PDE4C: variants seen among roughly 807,000 people sequenced by gnomAD.
The protein encoded by PDE4C is phosphodiesterase 4C.
In PDE4C, 50 loss-of-function variants were observed where a neutral mutation model predicts 63.9. The ratio of observed to expected loss-of-function variants is 0.78; its 90% CI spans 0.62 to 0.99. The LOEUF is 0.99. Ranked by LOEUF, PDE4C falls within the 50% of genes least tolerant of loss-of-function variation. The pLI is 0.00. For synonymous variants in PDE4C, 377 were observed against 385.1 expected, an observed-to-expected ratio of 0.98 and a Z score of 0.25; for missense variants, 777 against 899.1, an observed-to-expected ratio of 0.86 and a Z score of 1.74.
upstream of PDE4C, among the ~76,000 whole-genome samples, chr19:18,236,657 G>T (rs1263964228): frequency 1.3e-5 from 2 of 152,188 alleles, no homozygotes; most frequent in African/African-American, 4.8e-5. Flanking sequence ...TCTCTGCCTG[G>T]TATGATCTGT....
chr19:18,220,847 G>A lies in PDE4C; in HGVS notation c.499+27C>T. 1 of 1,598,968 alleles carries A rather than the reference G, an allele frequency of 6.3e-7. No homozygotes were observed. Among genetic ancestry groups the A allele is most frequent in the Middle Eastern group, 1.7e-4 (1 of 6,028 alleles). On this transcript the variant is annotated intron_variant, in intron 5 of 14. Transcript: ENST00000262805. This position sits in a 1 kb window ranked among gnomAD's most constrained non-coding sequence, Gnocchi z 5.1. Reference sequence around the variant, plus strand: ...AAGGAAGCTCCCAGCTGTCCTCAGCGGGGGAGGGAAGGAACAGGTACTTTA... The same window carrying A: ...AAGGAAGCTCCCAGCTGTCCTCAGCAGGGGAGGGAAGGAACAGGTACTTTA...
At chr19:18,224,341 T>G (rs1600087985) in intron 1 of PDE4C, 1 of 985,336 alleles carries the variant, frequency 1.0e-6, no homozygotes, top group Non-Finnish European at 1.2e-6. Flanking sequence ...GTCCGGCTGG[T>G]CCCGGCCAAG....
chr19:18,230,524 A>G (rs1268206232), upstream of PDE4C, among the ~76,000 whole-genome samples: 1 of 152,024 alleles, frequency 6.6e-6, no homozygotes, highest in East Asian at 1.9e-4. Flanking sequence ...AAATAAATAA[A>G]TGCTTGTAGC....
At chr19:18,235,668 G>A (rs1216836231), upstream of PDE4C, among the ~76,000 whole-genome samples, 2 of 152,098 alleles carry the variant, frequency 1.3e-5, no homozygotes, top group East Asian at 1.9e-4. Flanking sequence ...ATTTTTTAAT[G>A]CCAATATTGA....
chr19:18,228,044 G>A (rs541353715), upstream of PDE4C, among the ~76,000 whole-genome samples: 70 of 152,064 alleles, frequency 4.6e-4, no homozygotes, highest in Non-Finnish European at 4.6e-4. Flanking sequence ...ACCAGACCTC[G>A]CTGTCCCCAA....
rs947434799 is a variant in PDE4C at position 18,224,316 on chromosome 19, C to T, written c.146+1954G>A. The T allele has an allele frequency of 2.5e-5, 25 of 985,480 alleles. No homozygotes were observed. In the African/African-American group the frequency reaches 4.4e-4, roughly 17 times the overall value. The allele number at this position is 985,480 out of a possible 1,614,324, so 61.0% of individuals were successfully genotyped here. A position where few individuals can be genotyped will look rare whatever the true frequency, so the allele number is the denominator to read the frequency against. On this transcript the variant is annotated intron_variant, in intron 1 of 14. Transcript: ENST00000262805. ...GGGACCGCCTGAGACTCGGAGCTCC[C>T]GGCCGAGGGCCAGTGTCCGGCTGGT... is the stretch of plus-strand genomic sequence containing the variant.
chr19:18,239,544 T>C (rs1424959777), intron 1 of PDE4C, among the ~76,000 whole-genome samples: 1 of 152,164 alleles, frequency 6.6e-6, no homozygotes, highest in Non-Finnish European at 1.5e-5. Context: ...ACACAGGCTG[T>C]GTGCTGTCCG....
At chr19:18,218,362 T>C (rs1010005720) in exon 10 of PDE4C, 1 of 1,614,218 alleles carries the variant, frequency 6.2e-7, no homozygotes, top group Admixed American at 1.7e-5. Flanking sequence ...CAGCAGCACA[T>C]GCGTGGACTG....
At chr19:18,221,161 C>A (rs767083198) in exon 4 of PDE4C, 5 of 1,584,538 alleles carry the variant, frequency 3.2e-6, no homozygotes, top group Non-Finnish European at 4.3e-6. Context: ...TCCGAACGGT[C>A]CGCAGACTGG....
At chr19:18,221,276 C>T in exon 3 of PDE4C, 1 of 1,543,820 alleles carries the variant, frequency 6.5e-7, no homozygotes, top group East Asian at 2.3e-5. Flanking sequence ...CAAAGGGCGT[C>T]ACAATCATGT....
At chr19:18,213,522 G>C in intron 12 of PDE4C, 32 bp from the exon 13 acceptor site, 1 of 1,597,606 alleles carries the variant, frequency 6.3e-7, no homozygotes, top group Non-Finnish European at 8.5e-7. Context: ...TGACAGGCGC[G>C]AGGACCCTGC....
chr19:18,239,311 G>A (rs1232928667), intron 1 of PDE4C, among the ~76,000 whole-genome samples: 1 of 152,208 alleles, frequency 6.6e-6, no homozygotes, highest in African/African-American at 2.4e-5. Context: ...CTGTTTCCAA[G>A]CAGGCTCTGG....
chr19:18,210,973 C>T (rs878971994), exon 15 of PDE4C: 13 of 1,613,724 alleles, frequency 8.1e-6, no homozygotes, highest in South Asian at 1.1e-5. Flanking sequence ...GGGTCTGGGC[C>T]GGCTTCAGGG....
Position 18,232,883 on chromosome 19 carries a change from C to T in PDE4C, c.242+67G>A. 3 of 1,407,130 alleles carry T rather than the reference C, an allele frequency of 2.1e-6. No homozygotes were observed. In the South Asian group the frequency reaches 4.6e-5, roughly 22 times the overall value. 87.2% of individuals were successfully genotyped at this position (1,407,130 alleles called of 1,614,324 possible). On this transcript the variant is annotated intron_variant, in intron 1 of 14. Coordinates refer to the PDE4C transcript ENST00000594465. ...CCCCCTGGAGAAGCAAGGACCCTCC[C>T]CCACTCCCGCCAGGCCCCGCGCGCC... is the stretch of plus-strand genomic sequence containing the variant.
At chr19:18,208,338 G>A (rs1257832821), downstream of PDE4C, 1 of 152,254 alleles carries the variant, frequency 6.6e-6, no homozygotes, top group Non-Finnish European at 1.5e-5. Flanking sequence ...GAGGCTTCCG[G>A]AGGCGGGGAT....
At chr19:18,230,435 C>T (rs904579169), upstream of PDE4C, among the ~76,000 whole-genome samples, 3 of 152,128 alleles carry the variant, frequency 2.0e-5, no homozygotes, top group African/African-American at 7.2e-5. Flanking sequence ...ACCCAGGAGG[C>T]AGAGGTTGCA....
chr19:18,245,299 G>T, intron 1 of PDE4C, among the ~76,000 whole-genome samples: 1 of 152,056 alleles, frequency 6.6e-6, no homozygotes, highest in Non-Finnish European at 1.5e-5. Context: ...AGGTAGCTAG[G>T]ATTACAGGTG....
intron 1 of PDE4C, among the ~76,000 whole-genome samples, chr19:18,225,061 C>A (rs1907192747): frequency 6.6e-6 from 1 of 152,186 alleles, no homozygotes; most frequent in South Asian, 2.1e-4. Context: ...AGGACTGGGC[C>A]CGGGTTTTCT....
upstream of PDE4C, among the ~76,000 whole-genome samples, chr19:18,251,879 C>T (rs1327822438): frequency 6.6e-6 from 1 of 151,974 alleles, no homozygotes; most frequent in East Asian, 1.9e-4. Context: ...GCGTGCCCAG[C>T]CGTGACATAC....
Sources: gnomAD v4.1 joint callset for allele counts (sites outside exome capture counted in the v4.1 genomes callset) on GRCh38, gnomAD v4.1.1 for gene constraint, Gnocchi (gnomAD v3.1) non-coding constraint, MANE v1.5 for transcripts, NCBI Gene and HGNC (gene_info 2026-07-23, HGNC 2026-07-21) for gene names.